The following HECW1 variants were observed in gnomAD, a reference collection of about 807,000 sequenced individuals.
HECW1 encodes E3 ubiquitin-protein ligase HECW1.
Under a neutral mutation model 182.3 loss-of-function variants are expected in HECW1, and 61 were observed. The ratio of observed to expected loss-of-function variants is 0.33; its 90% CI spans 0.27 to 0.41. The LOEUF is 0.41. HECW1 is among the 10% of genes least tolerant of loss of function. The pLI is 1.00. For synonymous variants in HECW1, 859 were observed against 832.6 expected, an observed-to-expected ratio of 1.03 and a Z score of -0.55; for missense variants, 1,739 against 2,108.9, an observed-to-expected ratio of 0.82 and a Z score of 3.44.
intron 8 of HECW1, among the ~76,000 whole-genome samples, chr7:43,409,723 T>C (rs1471000911): frequency 1.3e-5 from 2 of 152,188 alleles, no homozygotes; most frequent in Non-Finnish European, 2.9e-5. Context: ...AGGCTGAGGA[T>C]AACTGATGTC....
At position 43,565,558 on chromosome 7, in the gene HECW1, TTTATTATTATTATTATTATTA is replaced by T; in HGVS notation, c.*3635_*3655del. On this transcript the variant is annotated 3_prime_UTR_variant, in exon 30 of 30. Transcript: ENST00000395891. Reference sequence around the variant, plus strand: ...GAACTTTACATAACAAATGTGGTGCTTTATTATTATTATTATTATTATTTTTATTATTATTATTATTACGTA... The same window carrying T: ...GAACTTTACATAACAAATGTGGTGCTTTTTTATTATTATTATTATTACGTA... 6.0e-6 allele frequency: 1 copy of T among 167,598 alleles called. No individual in the cohort carries two copies. Among genetic ancestry groups the T allele is most frequent in the African/African-American group, 2.5e-5 (1 of 40,274 alleles). The allele number at this position is 167,598 out of a possible 1,614,324, so 10.4% of individuals were successfully genotyped here.
chr7:43,563,545 T>C lies in HECW1; in HGVS notation c.*1619T>C. The C allele has an allele frequency of 5.2e-6, 1 of 194,010 alleles. No homozygotes were observed. Among genetic ancestry groups the C allele is most frequent in the Non-Finnish European group, 1.1e-5 (1 of 93,202 alleles). The allele number at this position is 194,010 out of a possible 1,614,324, so 12.0% of individuals were successfully genotyped here. ...ATGGCTCATTATACCAGTTTGTGTCTGGACAGTGTGTTATTTGTGTTCCTA... is the reference window on the plus strand; with the variant it reads ...ATGGCTCATTATACCAGTTTGTGTCCGGACAGTGTGTTATTTGTGTTCCTA... On this transcript the variant is annotated 3_prime_UTR_variant, in exon 30 of 30. Coordinates refer to ENST00000395891, the MANE Select transcript of HECW1 (RefSeq NM_015052.5).
chr7:43,522,603 A>G (rs2080540581), intron 24 of HECW1: 1 of 153,842 alleles, frequency 6.5e-6, no homozygotes, highest in Non-Finnish European at 1.4e-5. Flanking sequence ...TCACCCTCCA[A>G]GCAGGCCTGC....
chr7:43,549,926 TG>T (rs1367898793), intron 26 of HECW1, among the ~76,000 whole-genome samples: 1 of 152,206 alleles, frequency 6.6e-6, no homozygotes, highest in Non-Finnish European at 1.5e-5. Context: ...ATTTCCATTA[TG>T]CCTCTTGAGT....
chr7:43,159,994 T>G (rs898846337), intron 2 of HECW1, among the ~76,000 whole-genome samples: 1 of 152,362 alleles, frequency 6.6e-6, no homozygotes, highest in East Asian at 1.9e-4. Context: ...TTTACAAATA[T>G]AGTACATACA....
chr7:43,148,481 T>C (rs114189403), intron 2 of HECW1, among the ~76,000 whole-genome samples: 188 of 151,512 alleles, frequency 1.2e-3, no homozygotes, highest in African/African-American at 4.4e-3. Context: ...CTAGTAGCTC[T>C]TGTCTTCACT....
At chr7:43,494,633 A>C (rs1033020556) in intron 19 of HECW1, among the ~76,000 whole-genome samples, 2 of 152,044 alleles carry the variant, frequency 1.3e-5, no homozygotes, top group Non-Finnish European at 2.9e-5. Flanking sequence ...CCTGACAAGT[A>C]ACTGGGACTA....
intron 2 of HECW1, among the ~76,000 whole-genome samples, chr7:43,157,654 A>G (rs1186915297): frequency 1.3e-5 from 2 of 152,124 alleles, no homozygotes; most frequent in Non-Finnish European, 2.9e-5. Context: ...TCTGTTTCCC[A>G]GGCTTAAGAG....
chr7:43,117,122 C>T lies in HECW1; in HGVS notation c.-32+2731C>T, dbSNP rs183493362. 2.8e-3 allele frequency among the ~76,000 whole-genome samples: 419 copies of T among 152,212 alleles called. 3 individuals carry two copies. The highest frequency in any genetic ancestry group is 9.5e-3 in the African/African-American group (395 of 41,536). On this transcript the variant is annotated intron_variant, in intron 2 of 29. Transcript: ENST00000395891. The stretch of plus-strand genomic sequence containing the variant: ...TTAAGGGGAAAGATTTGTGGCATTT[C>T]TTGTTCCCAGTGAGGAATGCAGTGG...
intron 16 of HECW1, among the ~76,000 whole-genome samples, chr7:43,478,547 C>T (rs2078302704): frequency 6.6e-6 from 1 of 151,998 alleles, no homozygotes; most frequent in Non-Finnish European, 1.5e-5. Flanking sequence ...CATTAAAATT[C>T]TCCATTAAAA....
At chr7:43,303,920 G>A (rs1456957007) in intron 3 of HECW1, among the ~76,000 whole-genome samples, 2 of 152,154 alleles carry the variant, frequency 1.3e-5, no homozygotes, top group Non-Finnish European at 2.9e-5. Flanking sequence ...ATCTCAGGAT[G>A]TGAGAGGGAG....
At chr7:43,135,152 C>T (rs1318193611) in intron 2 of HECW1, among the ~76,000 whole-genome samples, 1 of 152,058 alleles carries the variant, frequency 6.6e-6, no homozygotes, top group Non-Finnish European at 1.5e-5. Context: ...AACAGGGCCA[C>T]GACTTAATTT....
rs1219191106 is a variant in HECW1 at position 43,253,910 on chromosome 7, G to GA, written c.27+9989dup. On this transcript the variant is annotated intron_variant, in intron 3 of 29. Transcript: ENST00000395891. ...ACAACAAGAGTGAAATTCCGTCTCA[G>GA]AAAAAAAAAAAGACAGATATGCAGA... is the stretch of plus-strand genomic sequence containing the variant. 7.5e-3 allele frequency among the ~76,000 whole-genome samples: 1,078 copies of GA among 143,068 alleles called. 14 individuals are homozygous for GA. Among genetic ancestry groups the GA allele is most frequent in the African/African-American group, 0.024 (955 of 39,278 alleles). The allele number at this position is 143,068 out of a possible 152,430, so 93.9% of individuals were successfully genotyped here.
At chr7:43,157,309 C>CA (rs1562608694) in intron 2 of HECW1, among the ~76,000 whole-genome samples, 1 of 151,858 alleles carries the variant, frequency 6.6e-6, no homozygotes. Flanking sequence ...ATCAAACATC[C>CA]AAAAAAATGT....
At chr7:43,163,996 G>A (rs1790826080) in intron 2 of HECW1, among the ~76,000 whole-genome samples, 1 of 152,216 alleles carries the variant, frequency 6.6e-6, no homozygotes, top group South Asian at 2.1e-4. Context: ...GTGGGCAGGA[G>A]TTCATCCTGC....
At chr7:43,449,266 C>T (rs2152882801) in intron 11 of HECW1, among the ~76,000 whole-genome samples, 1 of 152,288 alleles carries the variant, frequency 6.6e-6, no homozygotes, top group African/African-American at 2.4e-5. Context: ...ACACAGAGCC[C>T]ATCTTTGGAA....
chr7:43,258,824 T>A (rs1233704291), intron 3 of HECW1: 1 of 152,228 alleles, frequency 6.6e-6, no homozygotes, highest in South Asian at 2.1e-4. Flanking sequence ...ATGTCTTGAG[T>A]TGGGCAACAG....
chr7:43,414,704 T>C (rs1240887983), intron 8 of HECW1, among the ~76,000 whole-genome samples: 1 of 148,648 alleles, frequency 6.7e-6, no homozygotes, highest in East Asian at 2.0e-4. Context: ...TCTGCATCTA[T>C]TGAGATAATC....
At chr7:43,453,513 G>C (rs138820458) in intron 12 of HECW1, among the ~76,000 whole-genome samples, 1 of 152,292 alleles carries the variant, frequency 6.6e-6, no homozygotes, top group East Asian at 1.9e-4. Flanking sequence ...TGTCATCCAG[G>C]TAGTAATGTC....
Sources: allele counts gnomAD v4.1 joint callset (sites outside exome capture counted in the v4.1 genomes callset), GRCh38; gene constraint gnomAD v4.1.1; transcripts MANE v1.5; gene names NCBI Gene and HGNC (gene_info 2026-07-23, HGNC 2026-07-21).